Variants in TNNI3K observed in about 807,000 individuals in gnomAD.
TNNI3K encodes serine/threonine-protein kinase TNNI3K.
Under a neutral mutation model 114.5 loss-of-function variants are expected in TNNI3K, and 140 were observed. The ratio of observed to expected loss-of-function variants is 1.22; its 90% CI spans 1.07 to 1.41. The LOEUF is 1.41. Among genes scored for constraint, TNNI3K ranks in the 40% most tolerant of loss-of-function variants. The probability of loss-of-function intolerance (pLI) is 0.00; values close to 1 mark genes in which losing one functional copy is unlikely to be tolerated. For missense variants in TNNI3K, 1,125 were observed against 1,007.6 expected (o/e 1.12, Z -1.58); for synonymous variants, 347 against 347.5 (o/e 1.00, Z 0.02).
At chr1:74,410,655 G>A (rs1664838388) in intron 17 of TNNI3K, among the ~76,000 whole-genome samples, 1 of 152,144 alleles carries the variant, frequency 6.6e-6, no homozygotes, top group Non-Finnish European at 1.5e-5. Context: ...ATAGAAACTT[G>A]GCATCTAAGA....
intron 20 of TNNI3K, among the ~76,000 whole-genome samples, chr1:74,455,510 A>G (rs1667191953): frequency 6.6e-6 from 1 of 152,212 alleles, no homozygotes; most frequent in Non-Finnish European, 1.5e-5. Context: ...ATCTATTTAT[A>G]TGTGTAAGAG....
At chr1:74,321,055 C>T (rs939399807) in intron 5 of TNNI3K, among the ~76,000 whole-genome samples, 1 of 152,008 alleles carries the variant, frequency 6.6e-6, no homozygotes, top group Non-Finnish European at 1.5e-5. Context: ...AACTGTGGGG[C>T]CTGTGGCAAT....
chr1:74,376,774 G>A (rs1662925365), intron 17 of TNNI3K: 1 of 151,614 alleles, frequency 6.6e-6, no homozygotes. Flanking sequence ...TAGAGCCTAA[G>A]GAAGCATTTA....
chr1:74,347,117 A>G (rs1004380155), intron 9 of TNNI3K, among the ~76,000 whole-genome samples: 3 of 150,408 alleles, frequency 2.0e-5, no homozygotes, highest in Non-Finnish European at 3.0e-5. Flanking sequence ...CTCATTTATC[A>G]TTACGTATAT....
At chr1:74,334,485 T>C (rs1022258564) in intron 6 of TNNI3K, among the ~76,000 whole-genome samples, 3 of 152,200 alleles carry the variant, frequency 2.0e-5, no homozygotes, top group African/African-American at 7.2e-5. Flanking sequence ...TTCAGAGGCA[T>C]CCTAACTTAA....
intron 4 of TNNI3K, among the ~76,000 whole-genome samples, chr1:74,257,422 G>T (rs754036906): frequency 6.6e-6 from 1 of 151,928 alleles, no homozygotes; most frequent in Non-Finnish European, 1.5e-5. Context: ...ACATTTTTCT[G>T]TTTCTTCATA....
intron 5 of TNNI3K, among the ~76,000 whole-genome samples, chr1:74,325,209 G>A (rs1400174458): frequency 1.3e-5 from 2 of 152,174 alleles, no homozygotes; most frequent in African/African-American, 4.8e-5. Context: ...GTTTGCTCCA[G>A]GCTTTTGGAG....
chr1:74,318,508 T>A (rs1177842855), intron 5 of TNNI3K, among the ~76,000 whole-genome samples: 2 of 152,218 alleles, frequency 1.3e-5, no homozygotes, highest in Admixed American at 1.3e-4. Flanking sequence ...GGCGGGCACA[T>A]GCTCTGTGCC....
chr1:74,315,287 C>G (rs1236904397), intron 5 of TNNI3K, among the ~76,000 whole-genome samples: 1 of 152,062 alleles, frequency 6.6e-6, no homozygotes, highest in Non-Finnish European at 1.5e-5. Flanking sequence ...AATACTATTT[C>G]CAAGACTGAT....
At chr1:74,302,574 A>G (rs1406405475) in intron 5 of TNNI3K, among the ~76,000 whole-genome samples, 1 of 152,252 alleles carries the variant, frequency 6.6e-6, no homozygotes, top group Non-Finnish European at 1.5e-5. Flanking sequence ...TATGAATGAT[A>G]AGAAAGCCAA....
Position 74,512,492 on chromosome 1 carries a change from T to G in TNNI3K, c.2351+20226T>G, listed in dbSNP as rs953149982. ...TAAAGGTGTAAAAATCCAGCCATCA[T>G]AACAAAAACACCAAAAGAAAGAAAT... On this transcript the variant is annotated intron_variant, in intron 23 of 24. Transcript: ENST00000326637. 3 of 152,192 alleles carry G rather than the reference T, an allele frequency of 2.0e-5. No individual in the cohort carries two copies. In the South Asian group the frequency reaches 6.2e-4, roughly 32 times the overall value. 9.4% of individuals were successfully genotyped at this position (152,192 alleles called of 1,614,324 possible). A position where few individuals can be genotyped will look rare whatever the true frequency, so the allele number is the denominator to read the frequency against.
chr1:74,543,068 T>C (rs1355559225), intron 24 of TNNI3K, among the ~76,000 whole-genome samples: 35,670 of 54,280 alleles, frequency 0.66, 11,921 homozygotes, highest in South Asian at 0.69. Flanking sequence ...TTTTCCCTTT[T>C]TTTTTTTTTT....
chr1:74,488,845 C>T (rs1396759119), intron 21 of TNNI3K, among the ~76,000 whole-genome samples: 1 of 152,152 alleles, frequency 6.6e-6, no homozygotes, highest in Non-Finnish European at 1.5e-5. Flanking sequence ...TTACAAGGCA[C>T]TGAGATAGTT....
At position 74,492,110 on chromosome 1, in the gene TNNI3K, C is replaced by T. The variant is rs201188652; in HGVS notation, c.2195C>T (p.Ala732Val). The T allele has an allele frequency of 1.6e-5, 25 of 1,605,814 alleles. No individual in the cohort carries two copies. The highest frequency in any genetic ancestry group is 1.7e-4 in the Middle Eastern group (1 of 6,042). Residue 732 changes from alanine to valine, a missense_variant, in exon 23 of 25, where the codon GCA (alanine) becomes GTA (valine). Physicochemically the swap from Ala to Val is moderately conservative, Grantham distance 64 (BLOSUM62 0). Coordinates refer to ENST00000326637, the MANE Select transcript of TNNI3K (RefSeq NM_015978.3). The stretch of plus-strand genomic sequence containing the variant: ...TCCTCCACTCAGCTGATGTCTCCTG[C>T]ATCAAGTAACAGCAGTGGGTCTCTC... ...CLCNIELMSP[A>V]SSNSSGSLSP...
At chr1:74,290,801 C>T (rs1430050413) in intron 5 of TNNI3K, among the ~76,000 whole-genome samples, 1 of 151,650 alleles carries the variant, frequency 6.6e-6, no homozygotes, top group Non-Finnish European at 1.5e-5. Flanking sequence ...CACACCTCTC[C>T]CCACTTATTT....
intron 17 of TNNI3K, among the ~76,000 whole-genome samples, chr1:74,379,684 C>G (rs1464806703): frequency 6.6e-6 from 1 of 152,126 alleles, no homozygotes; most frequent in Non-Finnish European, 1.5e-5. Context: ...TGGTTTTTCT[C>G]TGAGGGTAGA....
chr1:74,242,967 G>A (rs573253104), intron 2 of TNNI3K, among the ~76,000 whole-genome samples: 1 of 151,242 alleles, frequency 6.6e-6, no homozygotes. Context: ...TTTCCATCCT[G>A]TACCTCCATG....
At chr1:74,454,212 A>G (rs1667138760) in intron 20 of TNNI3K, among the ~76,000 whole-genome samples, 1 of 152,090 alleles carries the variant, frequency 6.6e-6, no homozygotes, top group Non-Finnish European at 1.5e-5. Flanking sequence ...ATTTCTTTGG[A>G]TTAGGGACAT....
At chr1:74,378,629 T>TATATATAAA (rs1663041144) in intron 17 of TNNI3K, 3 of 135,792 alleles carry the variant, frequency 2.2e-5, no homozygotes, top group African/African-American at 8.2e-5. Flanking sequence ...TATATATATA[T>TATATATAAA]ATATATATAT....
Sources: gnomAD v4.1 joint callset for allele counts (sites outside exome capture counted in the v4.1 genomes callset) on GRCh38, gnomAD v4.1.1 for gene constraint, MANE v1.5 for transcripts, NCBI Gene and HGNC (gene_info 2026-07-23, HGNC 2026-07-21) for gene names.